GRIP2: variants seen among roughly 807,000 people sequenced by gnomAD.
GRIP2 encodes glutamate receptor interacting protein 2.
In GRIP2, 58 loss-of-function variants were observed where a neutral mutation model predicts 108.3. The observed-to-expected ratio is 0.54, with a 90% CI of 0.43 to 0.67. GRIP2 has a LOEUF of 0.67. Among genes scored for constraint, GRIP2 ranks in the 30% least tolerant of loss-of-function variants. The probability of loss-of-function intolerance (pLI) is 0.00; values close to 1 mark genes in which losing one functional copy is unlikely to be tolerated. For synonymous variants in GRIP2, 586 were observed against 598.2 expected, an observed-to-expected ratio of 0.98 and a Z score of 0.30; for missense variants, 1,278 against 1,430.6, an observed-to-expected ratio of 0.89 and a Z score of 1.72.
chr3:14,555,977 G>C, exon 1 of GRIP2: 1 of 399,162 alleles, frequency 2.5e-6, no homozygotes, highest in East Asian at 3.6e-5. Context: ...CCCTCCGGCA[G>C]AGCCCTGTGC....
chr3:14,538,807 G>A (rs1309379445), intron 1 of GRIP2, among the ~76,000 whole-genome samples: 1 of 152,214 alleles, frequency 6.6e-6, no homozygotes, highest in Non-Finnish European at 1.5e-5. Context: ...GGCAGCAAAG[G>A]GGTGGAGGCC....
At chr3:14,542,057 C>G (rs751238391), upstream of GRIP2, 11 of 1,351,220 alleles carry the variant, frequency 8.1e-6, 1 homozygote, top group South Asian at 1.1e-4. Context: ...TCTACAGCCT[C>G]TTCAGTCAGG....
intron 12 of GRIP2, 44 bp downstream of exon 12, chr3:14,514,248 C>CTTAG: frequency 7.3e-7 from 1 of 1,364,638 alleles, no homozygotes; most frequent in South Asian, 1.3e-5. Flanking sequence ...CTCAGTTTCT[C>CTTAG]TCAGAGAGTG....
chr3:14,552,572 A>G (rs1300758644), intron 1 of GRIP2, among the ~76,000 whole-genome samples: 1 of 145,966 alleles, frequency 6.9e-6, no homozygotes, highest in East Asian at 2.0e-4. Context: ...CCTTCCTCCA[A>G]CCCTACCTAT....
chr3:14,574,738 C>T, the GRIP2 span: 1 of 485,296 alleles, frequency 2.1e-6, no homozygotes, highest in Non-Finnish European at 3.9e-6. Context: ...ATCGAGCAGC[C>T]TTTCATCAGT....
chr3:14,576,176 G>A, the GRIP2 span, among the ~76,000 whole-genome samples: 2 of 152,214 alleles, frequency 1.3e-5, no homozygotes, highest in African/African-American at 2.4e-5. Flanking sequence ...AGGAACCCCA[G>A]GCAGATAGAA....
upstream of GRIP2, chr3:14,540,364 G>A (rs1694937908): frequency 6.8e-6 from 11 of 1,611,436 alleles, no homozygotes; most frequent in Non-Finnish European, 9.3e-6. This position sits in a 1 kb window ranked among gnomAD's most constrained non-coding sequence, Gnocchi z 4.1. Context: ...ACGCTGCTTG[G>A]CCCTCCCTCC....
rs1436405241 is a variant in GRIP2 at position 14,506,922 on chromosome 3, G to A, written c.2277C>T (p.Asp759=). The change falls in exon 19 of 24, where the codon GAC becomes GAT. Residue 759 remains aspartate (D), a synonymous_variant. Coordinates refer to ENST00000621039, the MANE Select transcript of GRIP2 (RefSeq NM_001080423.4). ...SLSETSDADE[D]PADALKGGLP... is the part of the protein sequence containing the mutation. ...GGCCTCCTTTCAGGGCATCTGCTGGGTCCTCATCAGCATCACTGGTCTCAC... is the reference window on the plus strand; with the variant it reads ...GGCCTCCTTTCAGGGCATCTGCTGGATCCTCATCAGCATCACTGGTCTCAC... 4 of 1,607,420 alleles carry A rather than the reference G, an allele frequency of 2.5e-6. No individual in the cohort carries two copies. Among genetic ancestry groups the A allele is most frequent in the Non-Finnish European group, 3.4e-6 (4 of 1,177,020 alleles).
the GRIP2 span, among the ~76,000 whole-genome samples, chr3:14,576,887 TA>T: frequency 6.6e-6 from 1 of 152,250 alleles, no homozygotes; most frequent in Non-Finnish European, 1.5e-5. Flanking sequence ...ATTCATCCTC[TA>T]AAAAGCACAG....
the GRIP2 span, among the ~76,000 whole-genome samples, chr3:14,593,162 G>A: frequency 2.6e-5 from 4 of 152,180 alleles, no homozygotes; most frequent in Non-Finnish European, 5.9e-5. Flanking sequence ...CACAGCTCAG[G>A]TGCCAAGTTC....
the GRIP2 span, among the ~76,000 whole-genome samples, chr3:14,582,032 G>T: frequency 1.3e-5 from 2 of 152,200 alleles, no homozygotes; most frequent in Non-Finnish European, 2.9e-5. Context: ...AGGGAGACAG[G>T]CTAGGGGAGA....
upstream of GRIP2, among the ~76,000 whole-genome samples, chr3:14,557,185 C>T (rs1167595924): frequency 6.6e-6 from 1 of 152,220 alleles, no homozygotes; most frequent in Non-Finnish European, 1.5e-5. Context: ...CTAGCATTCA[C>T]CAGCACGCAG....
chr3:14,503,499 A>C, intron 21 of GRIP2, 67 bp downstream of exon 21: 1 of 1,107,326 alleles, frequency 9.0e-7, no homozygotes, highest in South Asian at 1.4e-5. Flanking sequence ...CCTTCCTCCC[A>C]TTGCACACAC....
At chr3:14,574,503 C>CT in the GRIP2 span, 3,304 of 732,922 alleles carry the variant, frequency 4.5e-3, 63 homozygotes, top group African/African-American at 0.05. Context: ...GTCCAGGGCC[C>CT]TGCCAGTGAG....
In GRIP2 at chr3:14,511,678, A is replaced by G. The variant is rs1694097765; in HGVS notation, c.1721-199T>C. Among the ~76,000 whole-genome samples, 1 of 152,180 alleles carries G rather than the reference A, an allele frequency of 6.6e-6. No homozygotes were observed. The highest frequency in any genetic ancestry group is 1.5e-5 in the Non-Finnish European group (1 of 68,034). ...TTCCCCCCTGTAAAATGGGGGTGGC[A>G]CCGCAGACCTCATGGGGATGTGGTG... On this transcript the variant is annotated intron_variant, in intron 14 of 23. Coordinates refer to ENST00000621039, the MANE Select transcript of GRIP2 (RefSeq NM_001080423.4). The surrounding 1 kb of genome is among the most constrained non-coding windows in gnomAD (Gnocchi z 4.1).
At chr3:14,574,400 C>G in the GRIP2 span, 2 of 792,034 alleles carry the variant, frequency 2.5e-6, no homozygotes, top group South Asian at 1.5e-5. Context: ...CCTGTCGGAG[C>G]CGCACCTTGG....
In GRIP2 at chr3:14,513,674, C is replaced by T. The variant is rs775332058; in HGVS notation, c.1630G>A (p.Asp544Asn). 2.1e-5 allele frequency: 33 copies of T among 1,609,438 alleles called. No individual in the cohort carries two copies. The highest frequency in any genetic ancestry group is 9.4e-5 in the African/African-American group (7 of 74,810). ...TGGGCCACTCACTCACCCGCCACAT[C>T]GAACTCCACCTCCAGCACGACCTTG... is the stretch of plus-strand genomic sequence containing the variant. ...AHKVVLEVEF[D>N]VAESVIPSSG... Residue 544 changes from aspartate (D) to asparagine (N), a missense_variant, in exon 13 of 24, where the codon GAT becomes AAT. By Grantham distance (23) the Asp-to-Asn change is conservative. Transcript: ENST00000621039.
chr3:14,551,877 A>T (rs1031729249), intron 1 of GRIP2, among the ~76,000 whole-genome samples: 6 of 152,072 alleles, frequency 3.9e-5, no homozygotes, highest in African/African-American at 1.4e-4. Flanking sequence ...CTCAACTGCA[A>T]ATGGGGCAAT....
At chr3:14,525,290 C>T (rs1694522766) in intron 3 of GRIP2, 147 bp downstream of exon 3, 2 of 957,674 alleles carry the variant, frequency 2.1e-6, no homozygotes, top group Non-Finnish European at 3.1e-6. Context: ...GAGGCCTTCC[C>T]TCTGCAGACA....
Sources: allele counts gnomAD v4.1 joint callset (sites outside exome capture counted in the v4.1 genomes callset), GRCh38; gene constraint gnomAD v4.1.1; non-coding constraint Gnocchi (gnomAD v3.1); transcripts MANE v1.5; gene names NCBI Gene and HGNC (gene_info 2026-07-23, HGNC 2026-07-21).